Variants in CD3E observed in about 807,000 individuals in gnomAD.
CD3E encodes CD3 epsilon subunit of T-cell receptor complex.
In CD3E, 16 loss-of-function variants were observed where a neutral mutation model predicts 34.7. The observed-to-expected ratio is 0.46, with a 90% confidence interval of 0.31 to 0.70. The LOEUF (loss-of-function observed/expected upper bound fraction) is 0.70. Among genes scored for constraint, CD3E ranks in the 30% least tolerant of loss-of-function variants. The pLI is 0.05. For missense variants in CD3E, 223 were observed against 253.9 expected, an observed-to-expected ratio of 0.88 and a Z score of 0.83; for synonymous variants, 70 against 90.8, an observed-to-expected ratio of 0.77 and a Z score of 1.30.
chr11:118,312,677 T>A lies in CD3E; in HGVS notation c.163T>A (p.Ser55Thr). 6.2e-7 allele frequency: 1 copy of A among 1,614,156 alleles called. No homozygotes were observed. Among genetic ancestry groups the A allele is most frequent in the South Asian group, 1.1e-5 (1 of 91,084 alleles). The change falls in exon 6 of 9, where the codon TCT (serine) becomes ACT (threonine). Residue 55 changes from serine (S) to threonine (T), a missense_variant. Ser to Thr is a moderately conservative substitution (Grantham distance 58, BLOSUM62 1). Transcript: ENST00000361763. Reference protein sequence around the residue: ...VILTCPQYPGSEILWQHNDKN... With the variant: ...VILTCPQYPGTEILWQHNDKN... ...ATTGACATGCCCTCAGTATCCTGGA[T>A]CTGAAATACTATGGCAACACAATGA...
chr11:118,306,693 A>G (rs1948108656), intron 2 of CD3E, among the ~76,000 whole-genome samples: 2 of 152,058 alleles, frequency 1.3e-5, no homozygotes, highest in Admixed American at 6.6e-5. Context: ...TGCCAGGGAA[A>G]CTGATCATTG....
intron 4 of CD3E, among the ~76,000 whole-genome samples, chr11:118,309,465 A>T (rs1222253402): frequency 2.0e-5 from 3 of 152,154 alleles, no homozygotes; most frequent in African/African-American, 7.2e-5. Context: ...AATCTCAGCT[A>T]CTCAGGAGGC....
intron 5 of CD3E, 186 bp downstream of exon 5, chr11:118,312,356 C>A: frequency 1.3e-6 from 1 of 749,358 alleles, no homozygotes. Flanking sequence ...CCATCTTACC[C>A]TTCCCAAGTC....
intron 6 of CD3E, chr11:118,313,262 T>C: frequency 5.8e-6 from 2 of 346,878 alleles, no homozygotes; most frequent in South Asian, 5.4e-5. Flanking sequence ...TAAGCTAAGG[T>C]ATAATAATAA....
intron 4 of CD3E, among the ~76,000 whole-genome samples, chr11:118,311,841 C>G (rs531942588): frequency 5.3e-5 from 8 of 152,306 alleles, no homozygotes; most frequent in African/African-American, 1.4e-4. Context: ...TTGAAGACCT[C>G]TGGAATTTTT....
intron 4 of CD3E, among the ~76,000 whole-genome samples, chr11:118,311,838 C>A (rs991560681): frequency 2.6e-5 from 4 of 152,140 alleles, no homozygotes; most frequent in Non-Finnish European, 5.9e-5. Context: ...AGCTTGAAGA[C>A]CTCTGGAATT....
chr11:118,305,082 C>A, intron 2 of CD3E, 81 bp downstream of exon 2: 2 of 1,220,800 alleles, frequency 1.6e-6, no homozygotes, highest in Non-Finnish European at 2.4e-6. Flanking sequence ...TGCCTAGTGG[C>A]ACCAAGGAGC....
In CD3E at chr11:118,314,455, CA is replaced by C. The variant is rs745496161; in HGVS notation, c.530del (p.Lys177ArgfsTer26). Reference sequence around the variant, plus strand: ...CCCCTCCTTCCTCCGCAGGACAAAACAAGGAGAGGCCACCACCTGTTCCCAA... The same window carrying C: ...CCCCTCCTTCCTCCGCAGGACAAAACAGGAGAGGCCACCACCTGTTCCCAA... ...GAGGRQRGQN[K>X]ERPPPVPNPD... On this transcript the variant is annotated frameshift_variant, in exon 8 of 9. Coordinates refer to ENST00000361763, the MANE Select transcript of CD3E (RefSeq NM_000733.4). LOFTEE classifies it high-confidence loss of function. 12 of 1,613,814 alleles carry C rather than the reference CA, an allele frequency of 7.4e-6. No homozygotes were observed. In the Admixed American group the frequency reaches 2.0e-4, roughly 27 times the overall value.
In CD3E at chr11:118,304,892, A is replaced by G. The variant is rs1036622094; in HGVS notation, c.-59-2A>G. 24 of 1,515,490 alleles carry G rather than the reference A, an allele frequency of 1.6e-5. No individual in the cohort carries two copies. The highest frequency in any genetic ancestry group is 2.1e-5 in the Non-Finnish European group (23 of 1,090,242). 93.9% of individuals were successfully genotyped at this position (1,515,490 alleles called of 1,614,324 possible). ...AAGTCATCTGTTTTGCTTTTTTTCC[A>G]GAAGTAGTAAGTCTGCTGGCCTCCG... On this transcript the variant is annotated splice_acceptor_variant, in intron 1 of 8. Coordinates refer to ENST00000361763, the MANE Select transcript of CD3E (RefSeq NM_000733.4). LOFTEE classifies it low-confidence loss of function (5UTR_SPLICE).
rs1948142729 is a variant in CD3E at position 118,312,733 on chromosome 11, A to C, written c.219A>C (p.Lys73Asn). ...ACATAGGCGGTGATGAGGATGATAA[A>C]AACATAGGCAGTGATGAGGATCACC... ...DKNIGGDEDD[K>N]NIGSDEDHLS... Residue 73 changes from lysine to asparagine, a missense_variant, in exon 6 of 9, where the codon AAA becomes AAC. Lys to Asn is a moderately conservative substitution (Grantham distance 94, BLOSUM62 0). Coordinates refer to ENST00000361763, the MANE Select transcript of CD3E (RefSeq NM_000733.4). 1.9e-6 allele frequency: 3 copies of C among 1,614,100 alleles called. No individual in the cohort carries two copies. In the East Asian group the frequency reaches 6.7e-5, roughly 36 times the overall value.
chr11:118,308,333 G>C, intron 3 of CD3E, 94 bp from the exon 4 acceptor site: 1 of 853,606 alleles, frequency 1.2e-6, no homozygotes, highest in Non-Finnish European at 2.0e-6. Context: ...TGTTTCCTAA[G>C]AGTTGAGGGA....
At chr11:118,313,657 G>A (rs1358098272) in intron 6 of CD3E, 50 bp from the exon 7 acceptor site, 2 of 1,583,506 alleles carry the variant, frequency 1.3e-6, no homozygotes, top group Non-Finnish European at 8.7e-7. Flanking sequence ...CCAGCGCCTT[G>A]TGTTTTCCTT....
intron 7 of CD3E, among the ~76,000 whole-genome samples, chr11:118,314,156 G>A (rs1948152099): frequency 6.6e-6 from 1 of 152,122 alleles, no homozygotes; most frequent in African/African-American, 2.4e-5. Context: ...CTAAGCTGTG[G>A]GAAGAGAGAC....
At chr11:118,312,337 T>C in intron 5 of CD3E, 167 bp downstream of exon 5, 1 of 804,042 alleles carries the variant, frequency 1.2e-6, no homozygotes, top group Non-Finnish European at 2.2e-6. Context: ...TGTGGGTTTT[T>C]CTTTACATCC....
chr11:118,305,327 C>T (rs149414112), intron 2 of CD3E, among the ~76,000 whole-genome samples: 62 of 152,328 alleles, frequency 4.1e-4, no homozygotes, highest in African/African-American at 1.4e-3. Flanking sequence ...ACTGGAAGAG[C>T]GAAGCTCCAC....
At chr11:118,307,360 TG>T in intron 3 of CD3E, 52 bp downstream of exon 3, 1 of 1,524,182 alleles carries the variant, frequency 6.6e-7, no homozygotes, top group African/African-American at 1.4e-5. Flanking sequence ...CATCATTCTT[TG>T]TAGTTATGAA....
intron 2 of CD3E, among the ~76,000 whole-genome samples, chr11:118,305,239 G>C (rs1257398229): frequency 6.6e-6 from 1 of 152,256 alleles, no homozygotes; most frequent in Non-Finnish European, 1.5e-5. Flanking sequence ...CATAGCTATT[G>C]TGAGCAGAGA....
rs1948098167 is a variant in CD3E, at chr11:118,305,027, G to A, written c.49+26G>A. 8 of 1,610,792 alleles carry A rather than the reference G, an allele frequency of 5.0e-6. No homozygotes were observed. The African/African-American group carries it at 1.1e-4, about 21-fold the overall frequency. On this transcript the variant is annotated intron_variant, in intron 2 of 8. Transcript: ENST00000361763. ...GTGAGTAGGATGGAGTGGAAAGGGT[G>A]GTGTGTCTCCAGACCGCTGGAAGGC...
At chr11:118,315,412 A>G in intron 8 of CD3E, 74 bp from the exon 9 acceptor site, 1 of 1,279,450 alleles carries the variant, frequency 7.8e-7, no homozygotes, top group Non-Finnish European at 1.1e-6. Flanking sequence ...CACTAAAGCT[A>G]GCTCTTCAGT....
Sources: gnomAD v4.1 joint callset for allele counts (sites outside exome capture counted in the v4.1 genomes callset) on GRCh38, gnomAD v4.1.1 for gene constraint, MANE v1.5 for transcripts, NCBI Gene and HGNC (gene_info 2026-07-23, HGNC 2026-07-21) for gene names.